Variants in CDH20 observed in about 807,000 individuals in gnomAD.
The protein encoded by CDH20 is cadherin-20.
A neutral mutation model predicts 74.2 loss-of-function variants in CDH20; 29 were observed. That is an observed-to-expected ratio of 0.39 (90% CI 0.29 to 0.53). The LOEUF is 0.53. CDH20 is among the 20% of genes least tolerant of loss of function. CDH20 has a pLI of 0.69. For synonymous variants in CDH20, 469 were observed against 405.4 expected, an observed-to-expected ratio of 1.16 and a Z score of -1.88; for missense variants, 988 against 1,048.3, an observed-to-expected ratio of 0.94 and a Z score of 0.79.
intron 6 of CDH20, among the ~76,000 whole-genome samples, chr18:61,513,229 G>C (rs948812180): frequency 1.4e-5 from 2 of 145,262 alleles, no homozygotes; most frequent in Non-Finnish European, 3.0e-5. Context: ...AGCTCTTCTT[G>C]TTGAATTGAT....
chr18:61,536,946 T>A (rs1333445119), intron 8 of CDH20, among the ~76,000 whole-genome samples: 1 of 152,146 alleles, frequency 6.6e-6, no homozygotes, highest in Non-Finnish European at 1.5e-5. Context: ...AATATGATTG[T>A]GAATGTACAA....
At chr18:61,426,554 T>C (rs1055476379) in intron 1 of CDH20, among the ~76,000 whole-genome samples, 6 of 152,220 alleles carry the variant, frequency 3.9e-5, no homozygotes. Flanking sequence ...GCTCCCTAAC[T>C]GCAGCCTTAC....
chr18:61,543,769 A>G (rs1396808169), intron 9 of CDH20, among the ~76,000 whole-genome samples: 1 of 152,146 alleles, frequency 6.6e-6, no homozygotes, highest in Admixed American at 6.5e-5. Flanking sequence ...TGTTAACCTG[A>G]CATGGCCAAT....
chr18:61,529,523 A>T (rs1331450186), intron 7 of CDH20, among the ~76,000 whole-genome samples: 2 of 152,216 alleles, frequency 1.3e-5, no homozygotes, highest in Non-Finnish European at 2.9e-5. Flanking sequence ...ATTATATAAC[A>T]ACTTTATAGA....
intron 1 of CDH20, among the ~76,000 whole-genome samples, chr18:61,462,566 T>C (rs933233319): frequency 3.3e-5 from 5 of 152,186 alleles, no homozygotes; most frequent in African/African-American, 9.7e-5. Flanking sequence ...TGATGGAATA[T>C]AGCCAGTAAC....
At chr18:61,518,455 G>A (rs1222753897) in intron 6 of CDH20, among the ~76,000 whole-genome samples, 7 of 143,960 alleles carry the variant, frequency 4.9e-5, no homozygotes, top group African/African-American at 1.4e-4. Context: ...TGCAGCCTCC[G>A]CTGGTGATAC....
intron 10 of CDH20, 40 bp downstream of exon 10, chr18:61,545,184 G>A: frequency 7.9e-7 from 1 of 1,266,280 alleles, no homozygotes; most frequent in Non-Finnish European, 1.2e-6. Flanking sequence ...CTTTTCTACA[G>A]CATAGGCCAG....
intron 1 of CDH20, among the ~76,000 whole-genome samples, chr18:61,458,224 C>T (rs771142140): frequency 6.6e-6 from 1 of 152,114 alleles, no homozygotes; most frequent in Non-Finnish European, 1.5e-5. Context: ...AATATTGAAA[C>T]ATTCTGTAGT....
chr18:61,515,287 C>G (rs982441879), intron 6 of CDH20, among the ~76,000 whole-genome samples: 3 of 152,160 alleles, frequency 2.0e-5, no homozygotes, highest in Non-Finnish European at 2.9e-5. Context: ...TCACCCCTTT[C>G]TTTGACTCGG....
At chr18:61,494,069 G>A (rs769431718) in intron 2 of CDH20, among the ~76,000 whole-genome samples, 20 of 152,206 alleles carry the variant, frequency 1.3e-4, no homozygotes, top group Non-Finnish European at 2.6e-4. Context: ...TAACAATGCT[G>A]TGAGGTGAGT....
intron 4 of CDH20, among the ~76,000 whole-genome samples, chr18:61,501,270 A>G (rs2144319682): frequency 6.6e-6 from 1 of 152,172 alleles, no homozygotes; most frequent in South Asian, 2.1e-4. Context: ...GAGAGCTTTG[A>G]CTACAGAATT....
chr18:61,544,908 T>G, intron 9 of CDH20, 119 bp from the exon 10 acceptor site: 37 of 706,906 alleles, frequency 5.2e-5, no homozygotes, highest in East Asian at 1.3e-4. Context: ...CCCATACCAA[T>G]GATATCCTTC....
intron 1 of CDH20, among the ~76,000 whole-genome samples, chr18:61,422,523 TAGG>T (rs1393161041): frequency 6.6e-6 from 1 of 152,168 alleles, no homozygotes; most frequent in East Asian, 1.9e-4. Context: ...GCTGTGTTTT[TAGG>T]AGAAGCTGTT....
At chr18:61,354,469 C>T (rs571008815) in intron 1 of CDH20, among the ~76,000 whole-genome samples, 9 of 152,110 alleles carry the variant, frequency 5.9e-5, no homozygotes, top group East Asian at 3.9e-4. Context: ...ATTAGCCGGG[C>T]GTGGTAATAG....
intron 1 of CDH20, among the ~76,000 whole-genome samples, chr18:61,396,606 T>C (rs1366813256): frequency 1.3e-5 from 2 of 152,232 alleles, no homozygotes; most frequent in Admixed American, 1.3e-4. Flanking sequence ...TCTTAGAGTT[T>C]GTAATCAACC....
intron 4 of CDH20, 28 bp downstream of exon 4, chr18:61,500,530 G>A: frequency 6.3e-7 from 1 of 1,592,242 alleles, no homozygotes; most frequent in Non-Finnish European, 8.6e-7. Flanking sequence ...CGAGTCAGAG[G>A]TGTTTATTCC....
At chr18:61,381,646 T>C (rs945300536) in intron 1 of CDH20, among the ~76,000 whole-genome samples, 18 of 152,208 alleles carry the variant, frequency 1.2e-4, no homozygotes, top group African/African-American at 4.3e-4. Context: ...AGATGGATGT[T>C]AGAGAGGCAA....
intron 1 of CDH20, among the ~76,000 whole-genome samples, chr18:61,416,924 T>C (rs896828503): frequency 2.0e-5 from 3 of 152,192 alleles, no homozygotes; most frequent in Non-Finnish European, 2.9e-5. Context: ...ATATATACCG[T>C]TTATAACTAA....
chr18:61,367,727 A>G (rs973979895), intron 1 of CDH20, among the ~76,000 whole-genome samples: 3 of 152,112 alleles, frequency 2.0e-5, no homozygotes, highest in African/African-American at 7.2e-5. Flanking sequence ...AGTACCACAA[A>G]CTGGGTGGCT....
Sources: allele counts gnomAD v4.1 joint callset (sites outside exome capture counted in the v4.1 genomes callset), GRCh38; gene constraint gnomAD v4.1.1; transcripts MANE v1.5; gene names NCBI Gene and HGNC (gene_info 2026-07-23, HGNC 2026-07-21).